The following SGMS1 variants were observed in gnomAD, a reference collection of about 807,000 sequenced individuals.
SGMS1 encodes the protein sphingomyelin synthase 1.
In SGMS1, 13 loss-of-function variants were observed where a neutral mutation model predicts 46.2. The ratio of observed to expected loss-of-function variants is 0.28; its 90% CI spans 0.18 to 0.45. The LOEUF (loss-of-function observed/expected upper bound fraction) is 0.45, where lower values mean the gene tolerates loss of function less well. Ranked by LOEUF, SGMS1 falls within the 20% of genes least tolerant of loss-of-function variation. The pLI, the probability that SGMS1 is intolerant of heterozygous loss-of-function variation, is 1.00. For synonymous variants in SGMS1, 203 were observed against 187.8 expected (o/e 1.08, Z -0.66); for missense variants, 324 against 519.9 (o/e 0.62, Z 3.66).
At chr10:50,537,537 A>C (rs144279928) in intron 2 of SGMS1, among the ~76,000 whole-genome samples, 3,472 of 151,764 alleles carry the variant, frequency 0.023, 63 homozygotes, top group Non-Finnish European at 0.035. Context: ...TACATGTGCC[A>C]TGTTGGTGTG....
chr10:50,335,823 A>T (rs1200826316), intron 7 of SGMS1: 1 of 152,216 alleles, frequency 6.6e-6, no homozygotes, highest in Non-Finnish European at 1.5e-5. Context: ...GAACCCAAAT[A>T]TGAGCATCAT....
intron 6 of SGMS1, among the ~76,000 whole-genome samples, chr10:50,346,443 C>T (rs1002514456): frequency 1.3e-5 from 2 of 152,094 alleles, no homozygotes; most frequent in African/African-American, 2.4e-5. Flanking sequence ...GCTTGAAATG[C>T]TATTTCCCTG....
chr10:50,527,534 C>G (rs1223242163), intron 2 of SGMS1, among the ~76,000 whole-genome samples: 1 of 152,148 alleles, frequency 6.6e-6, no homozygotes, highest in African/African-American at 2.4e-5. Flanking sequence ...TATCTAGTTT[C>G]AGAGTCTTAG....
chr10:50,365,574 C>T (rs1378854953), intron 6 of SGMS1, among the ~76,000 whole-genome samples: 2 of 152,244 alleles, frequency 1.3e-5, no homozygotes, highest in Non-Finnish European at 2.9e-5. Context: ...CTAATGCTCT[C>T]TCTCCTCTTG....
chr10:50,449,953 T>C (rs556330988), intron 5 of SGMS1, among the ~76,000 whole-genome samples: 2 of 152,128 alleles, frequency 1.3e-5, no homozygotes, highest in South Asian at 4.2e-4. Flanking sequence ...CAGAATGAAG[T>C]AAGATAATGA....
intron 1 of SGMS1, among the ~76,000 whole-genome samples, chr10:50,618,384 G>A (rs1838817770): frequency 1.3e-5 from 2 of 152,102 alleles, no homozygotes; most frequent in Non-Finnish European, 2.9e-5. Context: ...ATTTCTCAAA[G>A]TTACCATTGA....
intron 5 of SGMS1, among the ~76,000 whole-genome samples, chr10:50,436,968 A>G (rs927245054): frequency 6.6e-6 from 1 of 152,212 alleles, no homozygotes; most frequent in African/African-American, 2.4e-5. Context: ...GACCTTGAGC[A>G]TGTTGTGTAA....
At chr10:50,579,050 A>G (rs10763560) in intron 2 of SGMS1, among the ~76,000 whole-genome samples, 44,599 of 152,082 alleles carry the variant, frequency 0.29, 7,538 homozygotes, top group East Asian at 0.64. Flanking sequence ...ATGCAAAAAA[A>G]GCTTAAAAAG....
At position 50,337,308 on chromosome 10, in the gene SGMS1, T is replaced by C. The variant is rs113866752; in HGVS notation, c.623+6184A>G. On this transcript the variant is annotated intron_variant, in intron 7 of 10. Coordinates refer to ENST00000361781, the MANE Select transcript of SGMS1 (RefSeq NM_147156.4). ...ATAATTTTTGGTAAATAACTAAACA[T>C]AAAAATGTTCTGAAGCTCCATTAAA... 3.6e-3 allele frequency among the ~76,000 whole-genome samples: 551 copies of C among 152,210 alleles called. 1 individual carries two copies. The highest frequency in any genetic ancestry group is 0.012 in the African/African-American group (481 of 41,520).
At chr10:50,555,245 T>G (rs535653161) in intron 2 of SGMS1, among the ~76,000 whole-genome samples, 1 of 152,372 alleles carries the variant, frequency 6.6e-6, no homozygotes, top group Non-Finnish European at 1.5e-5. Context: ...CTCTGTATTT[T>G]TTATTAGCAA....
intron 2 of SGMS1, among the ~76,000 whole-genome samples, chr10:50,526,656 C>T (rs979865975): frequency 6.6e-6 from 1 of 152,190 alleles, no homozygotes; most frequent in Non-Finnish European, 1.5e-5. Context: ...GCTATTATTA[C>T]TGCCAAATAA....
intron 3 of SGMS1, among the ~76,000 whole-genome samples, chr10:50,490,471 T>C: frequency 6.6e-6 from 1 of 152,208 alleles, no homozygotes; most frequent in African/African-American, 2.4e-5. Context: ...CTAAATGTCC[T>C]GAAATGTGTG....
chr10:50,577,559 T>A (rs1458116028), intron 2 of SGMS1, among the ~76,000 whole-genome samples: 1 of 152,204 alleles, frequency 6.6e-6, no homozygotes, highest in Non-Finnish European at 1.5e-5. Flanking sequence ...GTCCTTCCTC[T>A]TAATTTTAAT....
intron 3 of SGMS1, among the ~76,000 whole-genome samples, chr10:50,487,463 T>C (rs1837531099): frequency 6.6e-6 from 1 of 152,154 alleles, no homozygotes; most frequent in South Asian, 2.1e-4. Context: ...AACATGCACA[T>C]CCTGCACGTG....
At chr10:50,360,056 T>C (rs2133411686) in intron 6 of SGMS1, among the ~76,000 whole-genome samples, 1 of 152,326 alleles carries the variant, frequency 6.6e-6, no homozygotes, top group East Asian at 1.9e-4. Context: ...TTTTTGAACA[T>C]GTAGTCTGCT....
chr10:50,324,259 G>GCCAC (rs1847495292), intron 8 of SGMS1, among the ~76,000 whole-genome samples: 2 of 152,164 alleles, frequency 1.3e-5, no homozygotes, highest in South Asian at 4.1e-4. Context: ...CTAGTAAGTG[G>GCCAC]TTGTGTAAGA....
intron 2 of SGMS1, among the ~76,000 whole-genome samples, chr10:50,528,146 T>C (rs1285870691): frequency 6.6e-6 from 1 of 152,244 alleles, no homozygotes; most frequent in Non-Finnish European, 1.5e-5. Context: ...GTATGCAACT[T>C]ACAGGATTTG....
intron 6 of SGMS1, among the ~76,000 whole-genome samples, chr10:50,402,715 A>AGAACC (rs1381633279): frequency 6.6e-6 from 1 of 150,646 alleles, no homozygotes; most frequent in Admixed American, 6.7e-5. Flanking sequence ...TTGTATACTC[A>AGAACC]ATTTTTGTTA....
At chr10:50,388,550 C>T (rs538856249) in intron 6 of SGMS1, among the ~76,000 whole-genome samples, 1 of 151,072 alleles carries the variant, frequency 6.6e-6, no homozygotes, top group Non-Finnish European at 1.5e-5. Flanking sequence ...GAGGCAGAGG[C>T]TGCAGCGAGC....
Sources: gnomAD v4.1 joint callset for allele counts (sites outside exome capture counted in the v4.1 genomes callset) on GRCh38, gnomAD v4.1.1 for gene constraint, MANE v1.5 for transcripts, NCBI Gene and HGNC (gene_info 2026-07-23, HGNC 2026-07-21) for gene names.